C17orf67: variants seen among roughly 807,000 people sequenced by gnomAD.
The protein encoded by C17orf67 is chromosome 17 open reading frame 67, also known as uncharacterized protein C17orf67.
C17orf67 carries 12 observed loss-of-function variants against 11.2 expected under a neutral mutation model. That is an observed-to-expected ratio of 1.07 (90% CI 0.68 to 1.73). The LOEUF (loss-of-function observed/expected upper bound fraction) is 1.73. Among genes scored for constraint, C17orf67 ranks in the 40% most tolerant of loss-of-function variants. The pLI, the probability that C17orf67 is intolerant of heterozygous loss-of-function variation, is 0.00. For synonymous variants in C17orf67, 59 were observed against 46.9 expected (o/e 1.26, Z -1.05); for missense variants, 115 against 113.5 (o/e 1.01, Z -0.06).
chr17:56,823,168 T>C (rs954209203), intron 4 of C17orf67, among the ~76,000 whole-genome samples: 2 of 152,146 alleles, frequency 1.3e-5, no homozygotes, highest in Non-Finnish European at 2.9e-5. Context: ...TCATACGACA[T>C]TACATTCAGG....
chr17:56,828,642 C>T (rs1423270245), intron 2 of C17orf67, among the ~76,000 whole-genome samples: 1 of 152,118 alleles, frequency 6.6e-6, no homozygotes, highest in Non-Finnish European at 1.5e-5. Flanking sequence ...CCCAGGTTAA[C>T]ATATTGAAGA....
intron 6 of C17orf67, among the ~76,000 whole-genome samples, chr17:56,809,900 C>T (rs1322348460): frequency 6.8e-6 from 1 of 146,454 alleles, no homozygotes; most frequent in African/African-American, 2.5e-5. Flanking sequence ...ACCCCTTACA[C>T]ACACCCTTAC....
intron 1 of C17orf67, 96 bp downstream of exon 1, chr17:56,833,522 G>A (rs1174422118): frequency 6.7e-6 from 1 of 150,360 alleles, no homozygotes; most frequent in Non-Finnish European, 1.5e-5. Flanking sequence ...GGCGACGAGC[G>A]GGCGGCTGCC....
chr17:56,814,918 C>T lies in C17orf67; in HGVS notation c.107G>A (p.Arg36Gln), dbSNP rs201263542. 218 of 1,614,044 alleles carry T rather than the reference C, an allele frequency of 1.4e-4. 2 individuals are homozygous for T. The African/African-American group carries it at 2.0e-3, about 15-fold the overall frequency. ...GGGTTTGCTTGGTCTATCCTGTCGC[C>T]GAGATCTTAGGAGCTGTTTGGCCTG... ...EKQAKQLLRS[R>Q]RQDRPSKPGF... is the part of the protein sequence containing the mutation. Residue 36 changes from arginine to glutamine, a missense_variant, in exon 6 of 8, where the codon CGG becomes CAG. Transcript: ENST00000397861.
Position 56,833,888 on chromosome 17 carries a change from C to T in C17orf67, c.-1272G>A, listed in dbSNP as rs1906352236. 1.3e-5 allele frequency: 2 copies of T among 152,474 alleles called. No individual in the cohort carries two copies. Among genetic ancestry groups the T allele is most frequent in the African/African-American group, 2.4e-5 (1 of 41,420 alleles). 9.4% of individuals were successfully genotyped at this position (152,474 alleles called of 1,614,324 possible). A position where few individuals can be genotyped will look rare whatever the true frequency, so the allele number is the denominator to read the frequency against. On this transcript the variant is annotated 5_prime_UTR_variant, in exon 1 of 8. Transcript: ENST00000397861. ...CGATTACGAAGTTTTGGCATTCAAC[C>T]CTCCATCCTCTCAAACGCCCCACTG...
In C17orf67 at chr17:56,804,029, A is replaced by C. The variant is rs1417798463; in HGVS notation, c.157-8849T>G. 4.6e-5 allele frequency: 7 copies of C among 152,236 alleles called. No individual in the cohort carries two copies. In the East Asian group the frequency reaches 1.3e-3, roughly 29 times the overall value. 9.4% of individuals were successfully genotyped at this position (152,236 alleles called of 1,614,324 possible). On this transcript the variant is annotated intron_variant, in intron 6 of 7. Transcript: ENST00000397861. ...GATAATCTCAAATGTTCCTGGACCA[A>C]GGAAGAAGGGGTATATGGAAAATGA...
intron 4 of C17orf67, among the ~76,000 whole-genome samples, chr17:56,817,194 C>G (rs1008341738): frequency 6.6e-6 from 1 of 152,076 alleles, no homozygotes; most frequent in Non-Finnish European, 1.5e-5. Context: ...GTCTGGAAAG[C>G]ATGTGACATT....
chr17:56,815,335 T>C (rs1025814595), intron 5 of C17orf67, among the ~76,000 whole-genome samples: 31 of 152,210 alleles, frequency 2.0e-4, no homozygotes, highest in Admixed American at 2.0e-3. Context: ...TTAAAGTCAT[T>C]ACTGGAAGAT....
chr17:56,815,825 T>G lies in C17orf67; in HGVS notation c.-15A>C. On this transcript the variant is annotated 5_prime_UTR_variant, in exon 5 of 8. Coordinates refer to ENST00000397861, the MANE Select transcript of C17orf67 (RefSeq NM_001085430.4). ...AATGTCTTCATCCTGCCTTGGTTCC[T>G]CTGCCTCTTGCTGAGTGAATCCTCC... is the stretch of plus-strand genomic sequence containing the variant. 2 of 1,613,838 alleles carry G rather than the reference T, an allele frequency of 1.2e-6. No individual in the cohort carries two copies. Among genetic ancestry groups the G allele is most frequent in the Non-Finnish European group, 1.7e-6 (2 of 1,179,834 alleles).
intron 4 of C17orf67, among the ~76,000 whole-genome samples, chr17:56,821,458 A>G (rs1905903151): frequency 1.3e-5 from 2 of 152,164 alleles, no homozygotes; most frequent in African/African-American, 2.4e-5. Context: ...TAGTAACTCC[A>G]TAAGCTGTGT....
intron 6 of C17orf67, among the ~76,000 whole-genome samples, chr17:56,811,597 C>T (rs546548589): frequency 1.3e-5 from 2 of 152,156 alleles, no homozygotes; most frequent in South Asian, 2.1e-4. Context: ...CAGATAACCT[C>T]GTTAGTGAGC....
chr17:56,819,000 A>T (rs1418832620), intron 4 of C17orf67, among the ~76,000 whole-genome samples: 2 of 152,236 alleles, frequency 1.3e-5, no homozygotes, highest in African/African-American at 4.8e-5. Flanking sequence ...TCCAGGTAGC[A>T]GCAAGGATGA....
chr17:56,813,194 G>A (rs1905673111), intron 6 of C17orf67, among the ~76,000 whole-genome samples: 1 of 152,030 alleles, frequency 6.6e-6, no homozygotes, highest in Non-Finnish European at 1.5e-5. Context: ...AAAGCACAGG[G>A]GGCCAGCCAG....
intron 6 of C17orf67, chr17:56,803,760 C>T (rs1370552457): frequency 6.6e-6 from 1 of 152,168 alleles, no homozygotes; most frequent in East Asian, 1.9e-4. Flanking sequence ...TTTCACACTC[C>T]TAAACACCAA....
chr17:56,804,635 T>C (rs965953271), intron 6 of C17orf67, among the ~76,000 whole-genome samples: 2 of 152,210 alleles, frequency 1.3e-5, no homozygotes, highest in Non-Finnish European at 2.9e-5. Flanking sequence ...AAAGCTAAAA[T>C]GATTTATATT....
intron 2 of C17orf67, among the ~76,000 whole-genome samples, chr17:56,832,010 C>A (rs541937204): frequency 6.6e-6 from 1 of 152,174 alleles, no homozygotes; most frequent in South Asian, 2.1e-4. Context: ...TACATTGGTG[C>A]GATCTCAGCT....
intron 2 of C17orf67, among the ~76,000 whole-genome samples, chr17:56,827,816 A>G (rs1195791303): frequency 6.6e-6 from 1 of 152,198 alleles, no homozygotes; most frequent in African/African-American, 2.4e-5. Flanking sequence ...AGACTTAGTC[A>G]ATGTATTAGG....
At chr17:56,810,497 C>CAG (rs1222240853) in intron 6 of C17orf67, among the ~76,000 whole-genome samples, 1 of 152,068 alleles carries the variant, frequency 6.6e-6, no homozygotes, top group Admixed American at 6.6e-5. Context: ...ATACACAATA[C>CAG]TGGCAGCCAA....
intron 7 of C17orf67, among the ~76,000 whole-genome samples, chr17:56,793,075 G>A (rs1450817732): frequency 6.6e-6 from 1 of 151,648 alleles, no homozygotes; most frequent in African/African-American, 2.4e-5. Flanking sequence ...GGAAGAGGAC[G>A]AGTAGACCAA....
Sources: gnomAD v4.1 joint callset for allele counts (sites outside exome capture counted in the v4.1 genomes callset) on GRCh38, gnomAD v4.1.1 for gene constraint, MANE v1.5 for transcripts, NCBI Gene and HGNC (gene_info 2026-07-23, HGNC 2026-07-21) for gene names.